The following VPS52 variants were observed in gnomAD, a reference collection of about 807,000 sequenced individuals.
VPS52 encodes vacuolar protein sorting-associated protein 52 homolog.
A neutral mutation model predicts 98.7 loss-of-function variants in VPS52; 56 were observed. That is an observed-to-expected ratio of 0.57 (90% CI 0.46 to 0.71). The LOEUF (loss-of-function observed/expected upper bound fraction) is 0.71. VPS52 is among the 30% of genes least tolerant of loss of function. The pLI is 0.00. For synonymous variants in VPS52, 348 were observed against 346.4 expected (o/e 1.00, Z -0.05); for missense variants, 742 against 925.9 (o/e 0.80, Z 2.58).
At position 33,268,799 on chromosome 6, in the gene VPS52, T is replaced by C; in HGVS notation, c.549-150A>G. ...CAGGACACATGTACAAAGTTTTCTA[T>C]TCCTGGACCTCCCCACTATACACCT... On this transcript the variant is annotated intron_variant, in intron 6 of 19. Coordinates refer to ENST00000445902, the MANE Select transcript of VPS52 (RefSeq NM_022553.6). The surrounding 1 kb of genome is among the most constrained non-coding windows in gnomAD (Gnocchi z 4.0). The C allele has an allele frequency of 1.7e-6, 2 of 1,151,824 alleles. No individual in the cohort carries two copies. Among genetic ancestry groups the C allele is most frequent in the Non-Finnish European group, 2.4e-6 (2 of 838,406 alleles). The allele number at this position is 1,151,824 out of a possible 1,614,324, so 71.4% of individuals were successfully genotyped here. A position where few individuals can be genotyped will look rare whatever the true frequency, so the allele number is the denominator to read the frequency against.
chr6:33,267,222 A>C lies in VPS52; in HGVS notation c.1091T>G (p.Leu364Arg). The part of the protein sequence containing the change: ...ISPTELEAPI[L>R]VPHTAQRGEQ... ...TCCGCGCTGCGCTGTGTGAGGCACC[A>C]GGATGGGGGCCTCAAGTTCAGTGGG... Residue 364 changes from leucine (L) to arginine (R), a missense_variant, in exon 11 of 20, where the codon CTG (leucine) becomes CGG (arginine). Around this residue, in one of 2 missense-constraint regions of VPS52, gnomAD observed 590 missense variants for 793.3 expected, o/e 0.74. Coordinates refer to ENST00000445902, the MANE Select transcript of VPS52 (RefSeq NM_022553.6). The surrounding 1 kb of genome is among the most constrained non-coding windows in gnomAD (Gnocchi z 4.2). The C allele has an allele frequency of 6.3e-7, 1 of 1,587,466 alleles. No homozygotes were observed. Among genetic ancestry groups the C allele is most frequent in the Non-Finnish European group, 8.6e-7 (1 of 1,168,126 alleles).
rs550550439 is a variant in VPS52, at chr6:33,269,513, T to C, written c.349A>G (p.Thr117Ala). Residue 117 changes from threonine (T) to alanine (A), a missense_variant, in exon 5 of 20, where the codon ACA (threonine) becomes GCA (alanine). Transcript: ENST00000445902. ...ENIASLHNQITACDAVLERME... is the reference protein window; with the variant it reads ...ENIASLHNQIAACDAVLERME... The stretch of plus-strand genomic sequence containing the variant: ...ACCTCCAGGACAGCATCACAGGCTG[T>C]GATCTGGTTGTGTAGAGATGCTATA... 9.3e-6 allele frequency: 15 copies of C among 1,613,574 alleles called. No homozygotes were observed. In the African/African-American group the frequency reaches 2.0e-4, roughly 22 times the overall value.
Position 33,267,809 on chromosome 6 carries a change from G to T in VPS52, c.933+56C>A. 6.2e-7 allele frequency: 1 copy of T among 1,612,894 alleles called. No individual in the cohort carries two copies. The highest frequency in any genetic ancestry group is 1.7e-5 in the Admixed American group (1 of 60,008). On this transcript the variant is annotated intron_variant, in intron 9 of 19. Coordinates refer to ENST00000445902, the MANE Select transcript of VPS52 (RefSeq NM_022553.6). The surrounding 1 kb of genome is among the most constrained non-coding windows in gnomAD (Gnocchi z 4.2). The stretch of plus-strand genomic sequence containing the variant: ...CACAATAAAATATTCCTTGCCCAGG[G>T]ATGTCCCCTCCTCCCAGTCCATGTG...
At chr6:33,266,756 C>T in intron 11 of VPS52, 44 bp from the exon 12 acceptor site, 1 of 1,562,022 alleles carries the variant, frequency 6.4e-7, no homozygotes, top group Non-Finnish European at 8.7e-7. Flanking sequence ...GGGATGGACC[C>T]CAACACTGAC....
Position 33,264,031 on chromosome 6 carries a change from T to C in VPS52, c.1597A>G (p.Met533Val). Residue 533 changes from methionine (M) to valine (V), a missense_variant, in exon 15 of 20, where the codon ATG becomes GTG. Met to Val is a conservative substitution (Grantham distance 21, BLOSUM62 1). Coordinates refer to ENST00000445902, the MANE Select transcript of VPS52 (RefSeq NM_022553.6). ...ACCTGCAGCTGTCCCAGCAATTGCA[T>C]GGTCCGTTCATTAGGAATTGTCTGG... ...INQTIPNERT[M>V]QLLGQLQVEV... The C allele has an allele frequency of 1.9e-6, 3 of 1,614,200 alleles. No homozygotes were observed. The highest frequency in any genetic ancestry group is 4.5e-5 in the East Asian group (2 of 44,888).
chr6:33,271,590 G>A lies in VPS52; in HGVS notation c.86C>T (p.Pro29Leu), dbSNP rs745922747. The change falls in exon 1 of 20, where the codon CCG becomes CTG. Residue 29 changes from proline (P) to leucine (L), a missense_variant. By Grantham distance (98) the Pro-to-Leu change is moderately conservative. Around this residue, in one of 2 missense-constraint regions of VPS52, gnomAD observed 152 missense variants for 132.6 expected, o/e 1.15. Transcript: ENST00000445902. ...GAAACAGCTCCGCGCTCTCACCAGC[G>A]GGCCCTCTTCCTCCTCCATATCTGA... The part of the protein sequence containing the change: ...GTSDMEEEEG[P>L]LAGGPGLQEP... The A allele has an allele frequency of 6.2e-6, 10 of 1,605,378 alleles. No homozygotes were observed. Among genetic ancestry groups the A allele is most frequent in the Admixed American group, 3.4e-5 (2 of 59,310 alleles).
In VPS52 at chr6:33,269,495, G is replaced by A. The variant is rs763325365; in HGVS notation, c.367C>T (p.Leu123=). 8.7e-6 allele frequency: 14 copies of A among 1,613,406 alleles called. No homozygotes were observed. The South Asian group carries it at 1.4e-4, about 16-fold the overall frequency. The change falls in exon 5 of 20, where the codon CTG becomes TTG. Residue 123 remains leucine (L), a synonymous_variant. Transcript: ENST00000445902. ...CACAGGTCATGATTACTAACCTCCA[G>A]GACAGCATCACAGGCTGTGATCTGG... ...HNQITACDAV[L]ERMEQMLGAF...
intron 12 of VPS52, 27 bp downstream of exon 12, chr6:33,266,530 G>A (rs151139455): frequency 2.9e-5 from 45 of 1,560,034 alleles, no homozygotes; most frequent in Non-Finnish European, 3.5e-5. Context: ...CAAAGGTGTT[G>A]AATGGTACAG....
intron 17 of VPS52, among the ~76,000 whole-genome samples, chr6:33,255,696 G>A (rs1339605917): frequency 1.3e-5 from 2 of 151,366 alleles, no homozygotes; most frequent in Non-Finnish European, 2.9e-5. Flanking sequence ...GGAGGCTGAG[G>A]CAGGAAGAAT....
chr6:33,260,526 A>C (rs1043782840), intron 17 of VPS52, among the ~76,000 whole-genome samples: 2 of 152,118 alleles, frequency 1.3e-5, no homozygotes, highest in Non-Finnish European at 2.9e-5. Context: ...AGTCACCATC[A>C]AACTATGAAA....
chr6:33,255,314 T>C (rs1456735616), intron 17 of VPS52, among the ~76,000 whole-genome samples: 1 of 152,114 alleles, frequency 6.6e-6, no homozygotes, highest in Non-Finnish European at 1.5e-5. Context: ...CGAGTCTCTA[T>C]ACCTGGCAAA....
intron 5 of VPS52, 25 bp downstream of exon 5, chr6:33,269,464 AG>A (rs1358095900): frequency 6.2e-7 from 1 of 1,612,698 alleles, no homozygotes; most frequent in Non-Finnish European, 8.5e-7. Flanking sequence ...AGTAGCTATT[AG>A]GGGTCACAGG....
Position 33,271,763 on chromosome 6 carries a change from C to T in VPS52, c.-88G>A. On this transcript the variant is annotated 5_prime_UTR_variant, in exon 1 of 20. Coordinates refer to ENST00000445902, the MANE Select transcript of VPS52 (RefSeq NM_022553.6). The stretch of plus-strand genomic sequence containing the variant: ...ACAAGTCCCAAAGGGTCTTCCTCAG[C>T]GCGAAATCGTTCCCAGATATTTGAG... The T allele has an allele frequency of 6.7e-7, 1 of 1,487,836 alleles. No homozygotes were observed. The highest frequency in any genetic ancestry group is 1.4e-5 in the African/African-American group (1 of 71,070). The allele number at this position is 1,487,836 out of a possible 1,614,324, so 92.2% of individuals were successfully genotyped here.
At chr6:33,255,403 A>G (rs1026966368) in intron 17 of VPS52, among the ~76,000 whole-genome samples, 23 of 150,734 alleles carry the variant, frequency 1.5e-4, no homozygotes, top group Non-Finnish European at 2.5e-4. Flanking sequence ...ATCTCCTGCA[A>G]TGATCCCGCC....
chr6:33,270,320 G>A, intron 1 of VPS52, 37 bp from the exon 2 acceptor site: 1 of 1,552,468 alleles, frequency 6.4e-7, no homozygotes, highest in Non-Finnish European at 8.8e-7. Context: ...AGGGTACGGT[G>A]AAAGACAGAA....
rs1481379701 is a variant in VPS52, at chr6:33,251,784, T to C, written c.1906+76A>G. On this transcript the variant is annotated intron_variant, in intron 18 of 19. Transcript: ENST00000445902. ...TCTTTCATACTCTATTCCCCCACCA[T>C]GTAATCTGCATCCTTTCATTTTTCT... The C allele has an allele frequency of 8.0e-6, 12 of 1,500,198 alleles. No homozygotes were observed. The East Asian group carries it at 1.6e-4, about 20-fold the overall frequency. 92.9% of individuals were successfully genotyped at this position (1,500,198 alleles called of 1,614,324 possible). A position where few individuals can be genotyped will look rare whatever the true frequency, so the allele number is the denominator to read the frequency against.
At chr6:33,271,127 T>C in intron 1 of VPS52, 1 of 426,186 alleles carries the variant, frequency 2.3e-6, no homozygotes, top group Non-Finnish European at 4.2e-6. Context: ...TCAAAACACA[T>C]AGTGTTTACC....
chr6:33,267,700 C>G lies in VPS52; in HGVS notation c.973G>C (p.Glu325Gln). The G allele has an allele frequency of 6.2e-7, 1 of 1,613,014 alleles. No homozygotes were observed. Among genetic ancestry groups the G allele is most frequent in the Non-Finnish European group, 8.5e-7 (1 of 1,180,032 alleles). Reference sequence around the variant, plus strand: ...AGGATATCTTTCTTTGCTGTATCTTCCACACCCATTAGATCATCTTTCTCA... The same window carrying G: ...AGGATATCTTTCTTTGCTGTATCTTGCACACCCATTAGATCATCTTTCTCA... ...VAEKDDLMGVEDTAKKGFFSK... is the reference protein window; with the variant it reads ...VAEKDDLMGVQDTAKKGFFSK... The change falls in exon 10 of 20, where the codon GAA (glutamate) becomes CAA (glutamine). Residue 325 changes from glutamate to glutamine, a missense_variant. Transcript: ENST00000445902. The surrounding 1 kb of genome is among the most constrained non-coding windows in gnomAD (Gnocchi z 4.2).
Position 33,271,628 on chromosome 6 carries a change from C to T in VPS52, c.48G>A (p.Leu16=), listed in dbSNP as rs1314296833. ...TMAAAARELV[L]RAGTSDMEEE... ...CCTCCATATCTGAGGTCCCAGCCCG[C>T]AACACCAGTTCCCGGGCCGCAGCCG... Residue 16 remains leucine (L), a synonymous_variant, in exon 1 of 20, where the codon TTG becomes TTA. Transcript: ENST00000445902. The T allele has an allele frequency of 1.9e-6, 3 of 1,612,050 alleles. No individual in the cohort carries two copies. The highest frequency in any genetic ancestry group is 4.5e-5 in the East Asian group (2 of 44,802).
Sources: allele counts gnomAD v4.1 joint callset (sites outside exome capture counted in the v4.1 genomes callset), GRCh38; gene constraint gnomAD v4.1.1; regional missense constraint gnomAD v4.1.1; non-coding constraint Gnocchi (gnomAD v3.1); transcripts MANE v1.5; gene names NCBI Gene and HGNC (gene_info 2026-07-23, HGNC 2026-07-21).